The following NUP98 variants were observed in gnomAD, a reference collection of about 807,000 sequenced individuals.
NUP98 encodes the protein nucleoporin 98 and 96 precursor, also known as nuclear pore complex protein Nup98-Nup96.
In NUP98, 26 loss-of-function variants were observed where a neutral mutation model predicts 191.9. That is an observed-to-expected ratio of 0.14 (90% CI 0.10 to 0.19). The LOEUF (loss-of-function observed/expected upper bound fraction) is 0.19. Ranked by LOEUF, NUP98 falls within the 10% of genes least tolerant of loss-of-function variation. The probability of loss-of-function intolerance (pLI) is 1.00; values close to 1 mark genes in which losing one functional copy is unlikely to be tolerated. For missense variants in NUP98, 1,941 were observed against 2,178.8 expected (o/e 0.89, Z 2.17); for synonymous variants, 808 against 778.4 (o/e 1.04, Z -0.63).
At chr11:3,676,448 T>G in intron 32 of NUP98, 61 bp downstream of exon 32, 5 of 1,601,072 alleles carry the variant, frequency 3.1e-6, no homozygotes, top group Non-Finnish European at 4.3e-6. Flanking sequence ...GAGGGTGGGG[T>G]GTAATAATCA....
intron 14 of NUP98, among the ~76,000 whole-genome samples, chr11:3,728,386 A>G (rs1255611998): frequency 2.0e-5 from 3 of 152,258 alleles, no homozygotes; most frequent in African/African-American, 7.2e-5. Flanking sequence ...TTATGCTTCA[A>G]AATGACCACT....
intron 20 of NUP98, 89 bp from the exon 21 acceptor site, chr11:3,706,716 G>A: frequency 3.2e-6 from 4 of 1,241,646 alleles, no homozygotes; most frequent in Non-Finnish European, 4.6e-6. Context: ...TTCAGAATAT[G>A]ATACAACAAT....
intron 27 of NUP98, 153 bp downstream of exon 27, chr11:3,693,079 T>C: frequency 4.2e-6 from 3 of 711,158 alleles, no homozygotes; most frequent in Admixed American, 2.5e-5. Flanking sequence ...TCTCATGATA[T>C]TTAATAAAAT....
At chr11:3,745,447 T>C (rs2080455409) in intron 11 of NUP98, among the ~76,000 whole-genome samples, 1 of 152,168 alleles carries the variant, frequency 6.6e-6, no homozygotes, top group Non-Finnish European at 1.5e-5. Context: ...GGAAAACCCA[T>C]TGTAGAAACT....
chr11:3,693,031 G>A, intron 27 of NUP98: 1 of 530,660 alleles, frequency 1.9e-6, no homozygotes, highest in Non-Finnish European at 3.3e-6. Context: ...CTCTGATTTA[G>A]AGGCAGGAAA....
chr11:3,734,491 T>C (rs1221462827), intron 13 of NUP98, among the ~76,000 whole-genome samples: 1 of 152,212 alleles, frequency 6.6e-6, no homozygotes, highest in African/African-American at 2.4e-5. Context: ...TGAACACTAT[T>C]ACTCTTCCCA....
At chr11:3,743,265 C>A (rs1049122753) in intron 12 of NUP98, among the ~76,000 whole-genome samples, 1 of 151,698 alleles carries the variant, frequency 6.6e-6, no homozygotes, top group Non-Finnish European at 1.5e-5. Context: ...GATCCACCCG[C>A]CTCGGCCTCC....
chr11:3,727,196 A>G (rs559593920), intron 14 of NUP98, among the ~76,000 whole-genome samples: 2 of 152,198 alleles, frequency 1.3e-5, no homozygotes, highest in Admixed American at 6.5e-5. Context: ...TTAGCTGAAC[A>G]CAGTTGTGCA....
At chr11:3,759,225 G>A (rs1386972577) in intron 10 of NUP98, among the ~76,000 whole-genome samples, 2 of 152,112 alleles carry the variant, frequency 1.3e-5, no homozygotes, top group African/African-American at 4.8e-5. Flanking sequence ...TATTTCCCTC[G>A]ACAAACAGAA....
intron 14 of NUP98, among the ~76,000 whole-genome samples, chr11:3,726,127 G>T (rs1197916884): frequency 2.6e-5 from 4 of 151,838 alleles, no homozygotes; most frequent in African/African-American, 9.7e-5. Context: ...CAGTATACTG[G>T]GCCATTAAAG....
chr11:3,775,748 T>C (rs1192740008), intron 5 of NUP98, 134 bp downstream of exon 5: 4 of 716,122 alleles, frequency 5.6e-6, no homozygotes, highest in Admixed American at 2.9e-5. Context: ...CAACTATTTA[T>C]AGATTTTGTT....
intron 4 of NUP98, among the ~76,000 whole-genome samples, chr11:3,777,607 C>A (rs1589949096): frequency 4.0e-5 from 4 of 101,096 alleles, no homozygotes; most frequent in East Asian, 3.1e-4. Flanking sequence ...GGTAACAGAT[C>A]AAGACTCCGT....
At chr11:3,782,837 C>T (rs1276509917) in intron 1 of NUP98, among the ~76,000 whole-genome samples, 1 of 152,086 alleles carries the variant, frequency 6.6e-6, no homozygotes, top group East Asian at 1.9e-4. Flanking sequence ...GGATTACAGG[C>T]GCAAACCACC....
rs549213953 is a variant in NUP98, at chr11:3,763,458, A to C, written c.949-419T>G. On this transcript the variant is annotated intron_variant, in intron 8 of 32. Transcript: ENST00000324932. Reference sequence around the variant, plus strand: ...TTCAACGATTTAGGTGAAAAGAACTAATCAGTATCAAGCTGGGGAGTGAAC... The same window carrying C: ...TTCAACGATTTAGGTGAAAAGAACTCATCAGTATCAAGCTGGGGAGTGAAC... Among the ~76,000 whole-genome samples the C allele has an allele frequency of 2.6e-4, 40 of 152,348 alleles. 1 individual carries two copies. In the South Asian group the frequency reaches 3.9e-3, roughly 15 times the overall value.
rs1340943217 is a variant in NUP98, at chr11:3,706,615, C to T, written c.2755G>A (p.Glu919Lys). 1 of 1,613,646 alleles carries T rather than the reference C, an allele frequency of 6.2e-7. No homozygotes were observed. Among genetic ancestry groups the T allele is most frequent in the Non-Finnish European group, 8.5e-7 (1 of 1,179,986 alleles). ...PAPPPQSQSP[E>K]VEQLGRVVEL... ...ACAACCCTCCCTAACTGCTCCACCT[C>T]TGGGCTCTGGCTCTGTAGACAGCAG... is the stretch of plus-strand genomic sequence containing the variant. Residue 919 changes from glutamate (E) to lysine (K), a missense_variant, in exon 21 of 33, where the codon GAG becomes AAG. Glu to Lys is a moderately conservative substitution (Grantham distance 56, BLOSUM62 1). Transcript: ENST00000324932.
intron 5 of NUP98, among the ~76,000 whole-genome samples, chr11:3,774,663 G>A (rs1282170273): frequency 6.6e-6 from 1 of 151,846 alleles, no homozygotes; most frequent in South Asian, 2.1e-4. Context: ...GTTGCAGTGA[G>A]CCAAGATTGC....
Position 3,740,188 on chromosome 11 carries a change from G to T in NUP98, c.1408+4321C>A, listed in dbSNP as rs531387095. On this transcript the variant is annotated intron_variant, in intron 12 of 32. Transcript: ENST00000324932. ...TCAGAATACCAGGTTTGATGAAGTA[G>T]AATTGAAAACAGGAAGAGGAAAGAA... Among the ~76,000 whole-genome samples the T allele has an allele frequency of 4.1e-4, 62 of 152,178 alleles. No homozygotes were observed. In the South Asian group the frequency reaches 0.011, roughly 28 times the overall value.
At chr11:3,723,488 T>C in intron 15 of NUP98, 33 bp from the exon 16 acceptor site, 3 of 1,575,234 alleles carry the variant, frequency 1.9e-6, no homozygotes, top group South Asian at 1.1e-5. Context: ...CCTTAGCCTC[T>C]TGTAGTAGTA....
Position 3,797,402 on chromosome 11 carries a change from C to A in NUP98, c.-31G>T. On this transcript the variant is annotated splice_region_variant and 5_prime_UTR_variant, in exon 1 of 33. Coordinates refer to ENST00000324932, the MANE Select transcript of NUP98 (RefSeq NM_016320.5). ...TGCAGCTCGGGCTCCCGACTTACCG[C>A]GGTTCGGTGGGGAAGGGGAAGTGTC... is the stretch of plus-strand genomic sequence containing the variant. The A allele has an allele frequency of 2.5e-6, 1 of 403,218 alleles. No individual in the cohort carries two copies. The allele number at this position is 403,218 out of a possible 1,614,324, so 25.0% of individuals were successfully genotyped here. A position where few individuals can be genotyped will look rare whatever the true frequency, so the allele number is the denominator to read the frequency against.
Sources: gnomAD v4.1 joint callset for allele counts (sites outside exome capture counted in the v4.1 genomes callset) on GRCh38, gnomAD v4.1.1 for gene constraint, MANE v1.5 for transcripts, NCBI Gene and HGNC (gene_info 2026-07-23, HGNC 2026-07-21) for gene names.